TOP6BL: variants seen among roughly 807,000 people sequenced by gnomAD.
TOP6BL encodes the protein TOP6B like initiator of meiotic double strand breaks.
chr11:66,826,602 A>G, the TOP6BL span, among the ~76,000 whole-genome samples: 1 of 152,210 alleles, frequency 6.6e-6, no homozygotes, highest in African/African-American at 2.4e-5. Flanking sequence ...TGGGAATTCT[A>G]AGGTATCCAT....
the TOP6BL span, among the ~76,000 whole-genome samples, chr11:66,810,564 GA>G: frequency 6.6e-6 from 1 of 152,108 alleles, no homozygotes; most frequent in African/African-American, 2.4e-5. Context: ...AGATGGAGGG[GA>G]TGATCACATT....
chr11:66,820,690 G>C, the TOP6BL span, among the ~76,000 whole-genome samples: 1 of 152,234 alleles, frequency 6.6e-6, no homozygotes, highest in Admixed American at 6.5e-5. Flanking sequence ...CATAGACGTA[G>C]AGTAGGGTTA....
the TOP6BL span, among the ~76,000 whole-genome samples, chr11:66,759,519 G>A: frequency 6.0e-4 from 91 of 152,314 alleles, no homozygotes; most frequent in African/African-American, 2.1e-3. Context: ...CAGTAATAAT[G>A]TTTTCCACAT....
the TOP6BL span, chr11:66,795,761 A>G: frequency 6.6e-6 from 1 of 152,022 alleles, no homozygotes; most frequent in Non-Finnish European, 1.5e-5. Context: ...CAGTACTAGA[A>G]CACAGGTCTT....
the TOP6BL span, among the ~76,000 whole-genome samples, chr11:66,760,252 T>G: frequency 6.9e-6 from 1 of 144,758 alleles, no homozygotes; most frequent in Non-Finnish European, 1.5e-5. Context: ...AGTTCAAGAC[T>G]GGTCAACATG....
the TOP6BL span, among the ~76,000 whole-genome samples, chr11:66,755,121 A>AT: frequency 0.27 from 37,785 of 140,708 alleles, 4,968 homozygotes; most frequent in Middle Eastern, 0.34. Context: ...TAGTTTCTAG[A>AT]TTTTTTTTTT....
the TOP6BL span, among the ~76,000 whole-genome samples, chr11:66,761,382 GAAAA>G: frequency 2.1e-4 from 31 of 151,172 alleles, no homozygotes; most frequent in African/African-American, 6.8e-4. Context: ...CAAAAAAAAA[GAAAA>G]AAAGATAAAA....
At chr11:66,760,625 CAAAAAAAA>C in the TOP6BL span, among the ~76,000 whole-genome samples, 22 of 54,150 alleles carry the variant, frequency 4.1e-4, no homozygotes, top group East Asian at 2.3e-3. Flanking sequence ...CCCATCTTTA[CAAAAAAAA>C]AAAAAAAAAA....
At chr11:66,843,230 C>G in the TOP6BL span, 1 of 1,609,438 alleles carries the variant, frequency 6.2e-7, no homozygotes, top group South Asian at 1.1e-5. Flanking sequence ...AGCCCTGGGC[C>G]CTGAGCCGGG....
chr11:66,777,077 C>CTA, the TOP6BL span, among the ~76,000 whole-genome samples: 14 of 149,384 alleles, frequency 9.4e-5, no homozygotes, highest in African/African-American at 3.2e-4. Flanking sequence ...ATATCTATAT[C>CTA]TATATATATC....
the TOP6BL span, chr11:66,843,334 C>T: frequency 4.9e-5 from 73 of 1,491,120 alleles, no homozygotes; most frequent in Middle Eastern, 4.8e-4. Flanking sequence ...AGTCCTCTTC[C>T]GCGTCTGCTT....
chr11:66,782,504 A>G, the TOP6BL span, among the ~76,000 whole-genome samples: 2 of 151,740 alleles, frequency 1.3e-5, no homozygotes, highest in Admixed American at 1.3e-4. Context: ...TACTTTCACA[A>G]CTCCAAAATC....
chr11:66,814,328 G>A, the TOP6BL span, among the ~76,000 whole-genome samples: 6,253 of 152,136 alleles, frequency 0.041, 205 homozygotes, highest in Non-Finnish European at 0.054. Context: ...GTATGATCTT[G>A]GCTGGCTGCA....
At chr11:66,756,469 A>G in the TOP6BL span, 1 of 1,057,322 alleles carries the variant, frequency 9.5e-7, no homozygotes. Context: ...AGTAGCTGGG[A>G]TTACAGATGC....
chr11:66,813,312 GAATA>G, the TOP6BL span, among the ~76,000 whole-genome samples: 1 of 152,138 alleles, frequency 6.6e-6, no homozygotes, highest in African/African-American at 2.4e-5. Flanking sequence ...TGAACCGGAT[GAATA>G]AATAAACTGT....
At chr11:66,786,898 A>G in the TOP6BL span, among the ~76,000 whole-genome samples, 1 of 151,964 alleles carries the variant, frequency 6.6e-6, no homozygotes, top group Non-Finnish European at 1.5e-5. Context: ...GGCAAGAACA[A>G]TATTACCCAT....
the TOP6BL span, among the ~76,000 whole-genome samples, chr11:66,839,511 T>A: frequency 1.3e-5 from 2 of 152,210 alleles, no homozygotes; most frequent in Non-Finnish European, 2.9e-5. Flanking sequence ...TCAGCACCTA[T>A]GCTTGGTTGG....
At chr11:66,791,689 A>G in the TOP6BL span, among the ~76,000 whole-genome samples, 3 of 151,946 alleles carry the variant, frequency 2.0e-5, no homozygotes, top group African/African-American at 7.3e-5. Context: ...GGCAGCATCT[A>G]TTTTTTTCAT....
the TOP6BL span, chr11:66,843,119 C>G: frequency 6.2e-7 from 1 of 1,602,728 alleles, no homozygotes; most frequent in South Asian, 1.1e-5. Flanking sequence ...AGGTGCAGGC[C>G]ACGGGCCGCT....
Sources: allele counts gnomAD v4.1 joint callset (sites outside exome capture counted in the v4.1 genomes callset), GRCh38; gene constraint gnomAD v4.1.1; transcripts MANE v1.5; gene names NCBI Gene and HGNC (gene_info 2026-07-23, HGNC 2026-07-21).